CDK19: variants seen among roughly 807,000 people sequenced by gnomAD.
The protein encoded by CDK19 is cyclin dependent kinase 19.
A neutral mutation model predicts 68.3 loss-of-function variants in CDK19; 20 were observed. The ratio of observed to expected loss-of-function variants is 0.29; its 90% CI spans 0.21 to 0.43. The LOEUF (loss-of-function observed/expected upper bound fraction) is 0.43, where lower values mean the gene tolerates loss of function less well. CDK19 is among the 20% of genes least tolerant of loss of function. The probability of loss-of-function intolerance (pLI) is 1.00; values close to 1 mark genes in which losing one functional copy is unlikely to be tolerated. For missense variants in CDK19, 339 were observed against 623.5 expected (o/e 0.54, Z 4.86); for synonymous variants, 221 against 222.8 (o/e 0.99, Z 0.07).
At chr6:110,792,670 G>A (rs988990342) in intron 1 of CDK19, among the ~76,000 whole-genome samples, 1 of 152,230 alleles carries the variant, frequency 6.6e-6, no homozygotes, top group South Asian at 2.1e-4. Context: ...ACAGGCGAGG[G>A]ATGGACATTC....
At chr6:110,615,904 T>TC (rs1384519012) in intron 12 of CDK19, among the ~76,000 whole-genome samples, 5 of 152,152 alleles carry the variant, frequency 3.3e-5, no homozygotes, top group Admixed American at 1.3e-4. Context: ...TTCGGATGAC[T>TC]CCACCCAGAC....
chr6:110,657,510 C>T (rs1381124294), intron 4 of CDK19, among the ~76,000 whole-genome samples: 4 of 152,116 alleles, frequency 2.6e-5, no homozygotes, highest in Non-Finnish European at 4.4e-5. Context: ...GTATACCTTA[C>T]TGTATATAAA....
chr6:110,775,754 G>A (rs748991332), intron 1 of CDK19, among the ~76,000 whole-genome samples: 33 of 152,070 alleles, frequency 2.2e-4, no homozygotes, highest in Non-Finnish European at 3.8e-4. Flanking sequence ...AAAGAGAGAG[G>A]CATATTATCT....
rs1371586374 is a variant in CDK19, at chr6:110,802,214, A to G, written c.128+12795T>C. Among the ~76,000 whole-genome samples the G allele has an allele frequency of 3.3e-5, 5 of 152,220 alleles. No individual in the cohort carries two copies. In the East Asian group the frequency reaches 9.6e-4, roughly 29 times the overall value. On this transcript the variant is annotated intron_variant, in intron 1 of 12. Transcript: ENST00000368911. ...CCAGAGGAAAAGAAATCATTCTACC[A>G]AAAAGACACCTGCACTCGTATATTT...
At chr6:110,678,242 C>T (rs752231183) in intron 2 of CDK19, among the ~76,000 whole-genome samples, 34 of 151,956 alleles carry the variant, frequency 2.2e-4, no homozygotes, top group Admixed American at 1.4e-3. Context: ...ATCTAGTCTG[C>T]GGGCTTTAAA....
chr6:110,647,166 T>A (rs2114834814), intron 4 of CDK19, among the ~76,000 whole-genome samples: 1 of 152,190 alleles, frequency 6.6e-6, no homozygotes, highest in East Asian at 1.9e-4. Flanking sequence ...TGGTACGAGG[T>A]AGCGCACCGT....
At chr6:110,745,134 GTAATA>G (rs1348643871) in intron 2 of CDK19, among the ~76,000 whole-genome samples, 1 of 152,042 alleles carries the variant, frequency 6.6e-6, no homozygotes, top group Non-Finnish European at 1.5e-5. Flanking sequence ...CTAAAATAAG[GTAATA>G]TAATAGTAAG....
chr6:110,627,992 T>C (rs1779196942), intron 6 of CDK19, among the ~76,000 whole-genome samples: 1 of 152,022 alleles, frequency 6.6e-6, no homozygotes, highest in South Asian at 2.1e-4. Flanking sequence ...GGCGGATCAC[T>C]TGAGGTCAGG....
chr6:110,768,869 A>C (rs987089970), intron 1 of CDK19, among the ~76,000 whole-genome samples: 2 of 152,112 alleles, frequency 1.3e-5, no homozygotes, highest in African/African-American at 4.8e-5. Context: ...AACCCAAATG[A>C]AGGCCAGGCA....
chr6:110,798,093 C>G (rs554374204), intron 1 of CDK19, among the ~76,000 whole-genome samples: 23 of 151,980 alleles, frequency 1.5e-4, no homozygotes, highest in African/African-American at 5.3e-4. Flanking sequence ...AATTATATGG[C>G]CTGACCATAT....
At chr6:110,643,924 A>G (rs147657432) in intron 4 of CDK19, among the ~76,000 whole-genome samples, 1 of 152,106 alleles carries the variant, frequency 6.6e-6, no homozygotes, top group Admixed American at 6.5e-5. Flanking sequence ...ATTAAAATTT[A>G]AAATTTTAAT....
intron 1 of CDK19, among the ~76,000 whole-genome samples, chr6:110,763,415 T>G (rs1393863244): frequency 1.3e-5 from 1 of 79,230 alleles, no homozygotes; most frequent in Non-Finnish European, 2.5e-5. Flanking sequence ...TCTTATTATG[T>G]TTTTTTTTTT....
At chr6:110,745,277 A>G (rs372367467) in intron 2 of CDK19, among the ~76,000 whole-genome samples, 1 of 152,308 alleles carries the variant, frequency 6.6e-6, no homozygotes, top group South Asian at 2.1e-4. Flanking sequence ...TAAGCCTGGT[A>G]TCTAGTACAC....
intron 1 of CDK19, among the ~76,000 whole-genome samples, chr6:110,800,267 C>T (rs1275513063): frequency 6.6e-6 from 1 of 152,066 alleles, no homozygotes; most frequent in Non-Finnish European, 1.5e-5. Context: ...GAAACTGAAA[C>T]CCTGAACAGA....
At chr6:110,662,024 C>G (rs1249918663) in intron 4 of CDK19, among the ~76,000 whole-genome samples, 1 of 152,142 alleles carries the variant, frequency 6.6e-6, no homozygotes, top group Non-Finnish European at 1.5e-5. Flanking sequence ...GGCTGGAGTG[C>G]AGTGGCACGA....
At chr6:110,759,426 A>AT (rs1401012805) in intron 1 of CDK19, among the ~76,000 whole-genome samples, 180 of 92,542 alleles carry the variant, frequency 1.9e-3, no homozygotes, top group Middle Eastern at 5.2e-3. Context: ...AAAAAAAAAA[A>AT]AAATATATAT....
intron 4 of CDK19, among the ~76,000 whole-genome samples, chr6:110,661,512 T>C (rs1781617647): frequency 1.3e-5 from 2 of 152,142 alleles, no homozygotes; most frequent in Admixed American, 6.6e-5. Context: ...TATTCACAGA[T>C]ACAAACAGCG....
intron 1 of CDK19, among the ~76,000 whole-genome samples, chr6:110,764,608 A>G (rs1225212142): frequency 6.6e-6 from 1 of 152,214 alleles, no homozygotes; most frequent in Non-Finnish European, 1.5e-5. Context: ...CTGCACAAAA[A>G]TTAACTCAAA....
At chr6:110,814,626 C>G (rs1467646104) in intron 1 of CDK19, 3 of 475,672 alleles carry the variant, frequency 6.3e-6, no homozygotes, top group South Asian at 3.1e-5. Flanking sequence ...CGTCACTACC[C>G]AGGGCCGGAG....
Sources: gnomAD v4.1 joint callset for allele counts (sites outside exome capture counted in the v4.1 genomes callset) on GRCh38, gnomAD v4.1.1 for gene constraint, MANE v1.5 for transcripts, NCBI Gene and HGNC (gene_info 2026-07-23, HGNC 2026-07-21) for gene names.